Variants in ATP23 observed in about 807,000 individuals in gnomAD.
ATP23 encodes the protein mitochondrial inner membrane protease ATP23 homolog.
A neutral mutation model predicts 28.5 loss-of-function variants in ATP23; 24 were observed. That is an observed-to-expected ratio of 0.84 (90% CI 0.61 to 1.18). The LOEUF is 1.18. ATP23 is among the 50% of genes most tolerant of loss of function. The pLI is 0.00. For synonymous variants in ATP23, 99 were observed against 108.6 expected (o/e 0.91, Z 0.55); for missense variants, 274 against 306.4 (o/e 0.89, Z 0.79).
chr12:57,947,077 G>C lies in ATP23; in HGVS notation c.315+1G>C. The C allele has an allele frequency of 6.2e-7, 1 of 1,613,664 alleles. No individual in the cohort carries two copies. The highest frequency in any genetic ancestry group is 1.1e-5 in the South Asian group (1 of 90,994). On this transcript the variant is annotated splice_donor_variant, in intron 3 of 5. Transcript: ENST00000300145. LOFTEE classifies it high-confidence loss of function. ...AGGTTTTGATGCTTCAACATCTCAG[G>C]TAGGCATTATTGCCAAATTGTTTCC...
chr12:57,944,032 A>T (rs1437868741), intron 1 of ATP23, among the ~76,000 whole-genome samples: 1 of 136,606 alleles, frequency 7.3e-6, no homozygotes. Context: ...ATATTGCTGC[A>T]GGTCCTTTTT....
intron 1 of ATP23, among the ~76,000 whole-genome samples, chr12:57,944,586 G>A (rs1473602135): frequency 2.0e-5 from 3 of 152,218 alleles, no homozygotes; most frequent in Non-Finnish European, 1.5e-5. Context: ...ACAGTTACCT[G>A]TTCCTTGAGG....
At position 57,956,925 on chromosome 12, in the gene ATP23, C is replaced by A; in HGVS notation, c.*35C>A. 1.3e-6 allele frequency: 2 copies of A among 1,533,820 alleles called. No homozygotes were observed. Among genetic ancestry groups the A allele is most frequent in the Non-Finnish European group, 1.7e-6 (2 of 1,145,176 alleles). ...CATTTTTATATTACAGAGCTTCCAT[C>A]ATCATGAAGAAAAAAAAATTTGGTT... On this transcript the variant is annotated 3_prime_UTR_variant, in exon 6 of 6. Transcript: ENST00000300145.
intron 5 of ATP23, among the ~76,000 whole-genome samples, chr12:57,956,375 T>C (rs901396944): frequency 2.0e-5 from 3 of 149,248 alleles, no homozygotes; most frequent in Admixed American, 6.7e-5. Context: ...TTTTGGCGAG[T>C]TTGCAAATTG....
Position 57,958,062 on chromosome 12 carries a change from C to T in ATP23, c.*1172C>T, listed in dbSNP as rs893183336. On this transcript the variant is annotated 3_prime_UTR_variant, in exon 6 of 6. Coordinates refer to ENST00000300145, the MANE Select transcript of ATP23 (RefSeq NM_033276.4). ...GGTGGGGGGCATGGTGGGAGTGAGA[C>T]TGGCCCTTCGGCTTGTGTGGGAGCT... 2.0e-5 allele frequency among the ~76,000 whole-genome samples: 3 copies of T among 152,152 alleles called. No homozygotes were observed. The highest frequency in any genetic ancestry group is 2.9e-5 in the Non-Finnish European group (2 of 68,014).
intron 3 of ATP23, among the ~76,000 whole-genome samples, chr12:57,948,982 T>C (rs557031212): frequency 6.6e-6 from 1 of 152,208 alleles, no homozygotes; most frequent in Admixed American, 6.5e-5. Flanking sequence ...AGATTCTTTC[T>C]TGTTGTTGTG....
At chr12:57,953,796 A>G in intron 5 of ATP23, 107 bp downstream of exon 5, 1 of 982,604 alleles carries the variant, frequency 1.0e-6, no homozygotes, top group South Asian at 1.4e-5. Flanking sequence ...AGAACTTCGT[A>G]TGTGAAAAGA....
Position 57,952,243 on chromosome 12 carries a change from CCAAA to C in ATP23, c.453+351_453+354del, listed in dbSNP as rs766579620. On this transcript the variant is annotated intron_variant, in intron 4 of 5. Transcript: ENST00000300145. ...ATTAAAATTTACTGAGGGCTGTGTT[CCAAA>C]CACTGTTCTGTTTGCACAGATTCTT... Among the ~76,000 whole-genome samples, 18 of 152,162 alleles carry C rather than the reference CCAAA, an allele frequency of 1.2e-4. No individual in the cohort carries two copies. The East Asian group carries it at 3.1e-3, about 26-fold the overall frequency.
In ATP23 at chr12:57,958,480, T is replaced by C. The variant is rs764717984; in HGVS notation, c.*1590T>C. 6.6e-6 allele frequency among the ~76,000 whole-genome samples: 1 copy of C among 152,024 alleles called. No individual in the cohort carries two copies. Among genetic ancestry groups the C allele is most frequent in the Non-Finnish European group, 1.5e-5 (1 of 68,008 alleles). ...AAGCTAAGAACCCTCATGGAGTCCA[T>C]TGCACCCCCCCTGCCACCTCCACTG... On this transcript the variant is annotated 3_prime_UTR_variant, in exon 6 of 6. Coordinates refer to ENST00000300145, the MANE Select transcript of ATP23 (RefSeq NM_033276.4).
rs370316643 is a variant in ATP23 at position 57,951,856 on chromosome 12, C to G, written c.414C>G (p.Val138=). ...IHAFDHCRAH[V]DWFTNIRHLA... Reference sequence around the variant, plus strand: ...CATTTGATCATTGTCGTGCCCATGTCGACTGGTTCACCAACATCAGACATT... The same window carrying G: ...CATTTGATCATTGTCGTGCCCATGTGGACTGGTTCACCAACATCAGACATT... The change falls in exon 4 of 6, where the codon GTC becomes GTG. Residue 138 remains valine, a synonymous_variant. Coordinates refer to ENST00000300145, the MANE Select transcript of ATP23 (RefSeq NM_033276.4). 2.5e-6 allele frequency: 4 copies of G among 1,614,132 alleles called. No homozygotes were observed. Among genetic ancestry groups the G allele is most frequent in the Admixed American group, 3.3e-5 (2 of 60,016 alleles).
intron 4 of ATP23, among the ~76,000 whole-genome samples, chr12:57,953,011 T>C (rs2140538532): frequency 6.6e-6 from 1 of 152,314 alleles, no homozygotes; most frequent in East Asian, 1.9e-4. Context: ...GGAATGTTCT[T>C]GATTCTTTGT....
In ATP23 at chr12:57,957,034, G is replaced by T; in HGVS notation, c.*144G>T. ...AGACTGTGATTCTAGCATATTATCAGAAAAAGTAACTATGGCAAAAAATGA... is the reference window on the plus strand; with the variant it reads ...AGACTGTGATTCTAGCATATTATCATAAAAAGTAACTATGGCAAAAAATGA... On this transcript the variant is annotated 3_prime_UTR_variant, in exon 6 of 6. Coordinates refer to ENST00000300145, the MANE Select transcript of ATP23 (RefSeq NM_033276.4). The T allele has an allele frequency of 1.6e-6, 1 of 635,616 alleles. No individual in the cohort carries two copies. 39.4% of individuals were successfully genotyped at this position (635,616 alleles called of 1,614,324 possible). A position where few individuals can be genotyped will look rare whatever the true frequency, so the allele number is the denominator to read the frequency against.
At chr12:57,947,342 G>A (rs1956772203) in intron 3 of ATP23, among the ~76,000 whole-genome samples, 1 of 152,210 alleles carries the variant, frequency 6.6e-6, no homozygotes, top group Admixed American at 6.5e-5. Context: ...CAATGGAACA[G>A]TGATGTGATC....
intron 4 of ATP23, 120 bp from the exon 5 acceptor site, chr12:57,953,486 C>G: frequency 1.2e-6 from 1 of 811,406 alleles, no homozygotes; most frequent in East Asian, 2.7e-5. Flanking sequence ...CACAAATACT[C>G]TTTTCTCAGA....
chr12:57,941,767 C>T lies in ATP23; in HGVS notation c.66C>T (p.His22=), dbSNP rs373728282. ...CAGGGGAGCAGCTGCAGCAGCAACA[C>T]GTCTCTTGCCAGGTCTTCCCCGAGC... ...PAAGEQLQQQ[H]VSCQVFPERL... The change falls in exon 1 of 6, where the codon CAC becomes CAT. Residue 22 remains histidine (H), a synonymous_variant. Transcript: ENST00000300145. 348 of 1,601,222 alleles carry T rather than the reference C, an allele frequency of 2.2e-4. 1 individual carries two copies. The Middle Eastern group carries it at 4.5e-3, about 21-fold the overall frequency.
In ATP23 at chr12:57,956,844, C is replaced by T. The variant is rs1363674271; in HGVS notation, c.695C>T (p.Ala232Val). 8.1e-6 allele frequency: 13 copies of T among 1,613,358 alleles called. No individual in the cohort carries two copies. The highest frequency in any genetic ancestry group is 1.0e-5 in the Non-Finnish European group (12 of 1,179,828). The part of the protein sequence containing the change: ...IPHNKTYARY[A>V]HRDFENRDRY... ...CATAACAAGACTTATGCAAGATATG[C>T]TCACAGAGACTTTGAAAACCGTGAT... is the stretch of plus-strand genomic sequence containing the variant. The change falls in exon 6 of 6, where the codon GCT becomes GTT. Residue 232 changes from alanine to valine, a missense_variant. Ala to Val is a moderately conservative substitution (Grantham distance 64). Coordinates refer to ENST00000300145, the MANE Select transcript of ATP23 (RefSeq NM_033276.4).
rs35301187 is a variant in ATP23, at chr12:57,942,425, ATT to A, written c.187+552_187+553del. ...TGTGTGTGTGTGTGCCCCTAAGTGC[ATT>A]TTTTTTTTTTTTTTGAGACGGAGTC... On this transcript the variant is annotated intron_variant, in intron 1 of 5. Coordinates refer to ENST00000300145, the MANE Select transcript of ATP23 (RefSeq NM_033276.4). 2.8e-4 allele frequency among the ~76,000 whole-genome samples: 39 copies of A among 139,144 alleles called. 1 individual carries two copies. The highest frequency in any genetic ancestry group is 9.3e-4 in the African/African-American group (35 of 37,760). 91.3% of individuals were successfully genotyped at this position (139,144 alleles called of 152,430 possible).
chr12:57,944,059 G>T lies in ATP23; in HGVS notation c.188-1569G>T, dbSNP rs1407074630. 8.9e-4 allele frequency among the ~76,000 whole-genome samples: 122 copies of T among 137,408 alleles called. 3 individuals carry two copies. The highest frequency in any genetic ancestry group is 2.9e-3 in the East Asian group (14 of 4,832). 90.1% of individuals were successfully genotyped at this position (137,408 alleles called of 152,430 possible). A position where few individuals can be genotyped will look rare whatever the true frequency, so the allele number is the denominator to read the frequency against. On this transcript the variant is annotated intron_variant, in intron 1 of 5. Coordinates refer to ENST00000300145, the MANE Select transcript of ATP23 (RefSeq NM_033276.4). ...GTCCTTTTTGAAGTACTAAACCATG[G>T]TTTTTTTTTTTTTTAAGTACAAGGA...
chr12:57,957,975 G>A lies in ATP23; in HGVS notation c.*1085G>A, dbSNP rs950216594. ...CTTTTCTTTCACAGCTGGGAGGTGG[G>A]TAGCCTGGGGCAAGTTTTCAAGCCT... On this transcript the variant is annotated 3_prime_UTR_variant, in exon 6 of 6. Transcript: ENST00000300145. Among the ~76,000 whole-genome samples, 5 of 152,198 alleles carry A rather than the reference G, an allele frequency of 3.3e-5. No homozygotes were observed. Among genetic ancestry groups the A allele is most frequent in the Non-Finnish European group, 5.9e-5 (4 of 68,026 alleles).
Sources: gnomAD v4.1 joint callset for allele counts (sites outside exome capture counted in the v4.1 genomes callset) on GRCh38, gnomAD v4.1.1 for gene constraint, MANE v1.5 for transcripts, NCBI Gene and HGNC (gene_info 2026-07-23, HGNC 2026-07-21) for gene names.